IL2RA: variants seen among roughly 807,000 people sequenced by gnomAD.
IL2RA encodes interleukin-2 receptor subunit alpha.
In IL2RA, 24 loss-of-function variants were observed where a neutral mutation model predicts 37.8. The ratio of observed to expected loss-of-function variants is 0.63; its 90% CI spans 0.46 to 0.89. The LOEUF (loss-of-function observed/expected upper bound fraction) is 0.89, where lower values mean the gene tolerates loss of function less well. Ranked by LOEUF, IL2RA falls within the 40% of genes least tolerant of loss-of-function variation. The probability of loss-of-function intolerance (pLI) is 0.00; values close to 1 mark genes in which losing one functional copy is unlikely to be tolerated. For synonymous variants in IL2RA, 125 were observed against 114.6 expected, an observed-to-expected ratio of 1.09 and a Z score of -0.58; for missense variants, 319 against 348.6, an observed-to-expected ratio of 0.92 and a Z score of 0.68.
At chr10:6,049,287 C>T (rs952365476) in intron 1 of IL2RA, among the ~76,000 whole-genome samples, 1 of 152,252 alleles carries the variant, frequency 6.6e-6, no homozygotes, top group Non-Finnish European at 1.5e-5. Flanking sequence ...TGCAACCTTC[C>T]TCTGCCTTCT....
chr10:6,045,705 G>A (rs1355041333), intron 1 of IL2RA, among the ~76,000 whole-genome samples: 3 of 152,128 alleles, frequency 2.0e-5, no homozygotes, highest in African/African-American at 4.8e-5. Flanking sequence ...GTAGAAATAT[G>A]CTAAATTGGT....
Position 6,033,322 on chromosome 10 carries a change from C to CA in IL2RA, c.65-7298dup, listed in dbSNP as rs111395910. On this transcript the variant is annotated intron_variant, in intron 1 of 7. Coordinates refer to ENST00000379959, the MANE Select transcript of IL2RA (RefSeq NM_000417.3). This position sits in a 1 kb window ranked among gnomAD's most constrained non-coding sequence, Gnocchi z 4.3. Reference sequence around the variant, plus strand: ...AAACAAAGAAACAAACAAACAACAACAAAAAAAAAACAAAAAAAGAAAGTA... The same window carrying CA: ...AAACAAAGAAACAAACAAACAACAACAAAAAAAAAAACAAAAAAAGAAAGTA... Among the ~76,000 whole-genome samples, 399 of 146,590 alleles carry CA rather than the reference C, an allele frequency of 2.7e-3. 4 individuals carry two copies. The South Asian group carries it at 0.03, about 11-fold the overall frequency.
rs1237290018 is a variant in IL2RA at position 6,018,824 on chromosome 10, C to T, written c.727+604G>A. Among the ~76,000 whole-genome samples the T allele has an allele frequency of 6.6e-6, 1 of 152,126 alleles. No homozygotes were observed. Among genetic ancestry groups the T allele is most frequent in the African/African-American group, 2.4e-5 (1 of 41,422 alleles). On this transcript the variant is annotated intron_variant, in intron 6 of 7. Transcript: ENST00000379959. The surrounding 1 kb of genome is among the most constrained non-coding windows in gnomAD (Gnocchi z 5.1). ...CATTCTGCAGTGTAAGGAAGGGGTC[C>T]TTTCAGTCAACCAACCAACCTACCA...
In IL2RA at chr10:6,046,386, A is replaced by G. The variant is rs1839859738; in HGVS notation, c.64+15702T>C. 6.6e-6 allele frequency among the ~76,000 whole-genome samples: 1 copy of G among 152,212 alleles called. No individual in the cohort carries two copies. The highest frequency in any genetic ancestry group is 2.4e-5 in the African/African-American group (1 of 41,452). On this transcript the variant is annotated intron_variant, in intron 1 of 7. Transcript: ENST00000379959. The surrounding 1 kb of genome is among the most constrained non-coding windows in gnomAD (Gnocchi z 4.8). ...GGGTTCAGTAGAGACAAACAGCATC[A>G]TAAAAGTGTCAAATCCGTGTGTTCA...
chr10:6,010,999 G>A lies in IL2RA; in HGVS notation c.*1873C>T, dbSNP rs1449103231. ...GAAAACATATACCTGAAGGGGGAGG[G>A]GGAGAGTGCACAGATGAGTCTGTTT... is the stretch of plus-strand genomic sequence containing the variant. On this transcript the variant is annotated 3_prime_UTR_variant, in exon 8 of 8. Transcript: ENST00000379959. 1 of 152,236 alleles carries A rather than the reference G, an allele frequency of 6.6e-6. No individual in the cohort carries two copies. Among genetic ancestry groups the A allele is most frequent in the African/African-American group, 2.4e-5 (1 of 41,414 alleles). The allele number at this position is 152,236 out of a possible 1,614,324, so 9.4% of individuals were successfully genotyped here.
intron 1 of IL2RA, among the ~76,000 whole-genome samples, chr10:6,040,224 C>G (rs1248020105): frequency 6.6e-6 from 1 of 152,166 alleles, no homozygotes; most frequent in East Asian, 1.9e-4. Context: ...TATATAGTTA[C>G]TTTCTAAGCT....
At chr10:6,061,318 G>A (rs1022804455) in intron 1 of IL2RA, among the ~76,000 whole-genome samples, 5 of 151,942 alleles carry the variant, frequency 3.3e-5, no homozygotes, top group East Asian at 3.9e-4. Flanking sequence ...CCTGGGAGGC[G>A]AAGGTTGCAG....
chr10:6,028,340 C>T lies in IL2RA; in HGVS notation c.65-2315G>A, dbSNP rs941265559. 6.6e-6 allele frequency among the ~76,000 whole-genome samples: 1 copy of T among 152,110 alleles called. No homozygotes were observed. Among genetic ancestry groups the T allele is most frequent in the Non-Finnish European group, 1.5e-5 (1 of 68,020 alleles). On this transcript the variant is annotated intron_variant, in intron 1 of 7. Transcript: ENST00000379959. This position sits in a 1 kb window ranked among gnomAD's most constrained non-coding sequence, Gnocchi z 4.1. ...CTCAGTGAAACTTAGCCCTGATTGT[C>T]CATTGTGAGGGCTGAGAGAAGAAGA...
Position 6,025,811 on chromosome 10 carries a change from G to A in IL2RA, c.256+23C>T, listed in dbSNP as rs1264413365. The A allele has an allele frequency of 3.1e-6, 5 of 1,610,674 alleles. No homozygotes were observed. Among genetic ancestry groups the A allele is most frequent in the Non-Finnish European group, 4.2e-6 (5 of 1,177,016 alleles). On this transcript the variant is annotated intron_variant, in intron 2 of 7. Coordinates refer to ENST00000379959, the MANE Select transcript of IL2RA (RefSeq NM_000417.3). The surrounding 1 kb of genome is among the most constrained non-coding windows in gnomAD (Gnocchi z 4.4). ...CTTTGCTGCAGTTCTTTTGTTCTTGGTAGTCACAGAAGGGACACTTACCAG... is the reference window on the plus strand; with the variant it reads ...CTTTGCTGCAGTTCTTTTGTTCTTGATAGTCACAGAAGGGACACTTACCAG...
At chr10:6,017,037 T>A (rs1839290607) in intron 7 of IL2RA, 1 of 159,628 alleles carries the variant, frequency 6.3e-6, no homozygotes, top group Non-Finnish European at 1.4e-5. Flanking sequence ...ATTTCCCTCT[T>A]GTAAACCTCT....
rs950642357 is a variant in IL2RA, at chr10:6,058,617, C to T, written c.64+3471G>A. Among the ~76,000 whole-genome samples, 4 of 152,160 alleles carry T rather than the reference C, an allele frequency of 2.6e-5. No homozygotes were observed. The highest frequency in any genetic ancestry group is 9.7e-5 in the African/African-American group (4 of 41,444). The stretch of plus-strand genomic sequence containing the variant: ...GGGAAATTCCATTGTGGGCAGTTGT[C>T]TTTACAAGAATGGATAATTACACAA... On this transcript the variant is annotated intron_variant, in intron 1 of 7. Coordinates refer to ENST00000379959, the MANE Select transcript of IL2RA (RefSeq NM_000417.3). This position sits in a 1 kb window ranked among gnomAD's most constrained non-coding sequence, Gnocchi z 4.2.
In IL2RA at chr10:6,033,197, C is replaced by T. The variant is rs557261736; in HGVS notation, c.65-7172G>A. ...TTTGAGACCAGCCCGGTCAACATGG[C>T]GAAACCCTTTCTCTACTAAGGAGGC... On this transcript the variant is annotated intron_variant, in intron 1 of 7. Coordinates refer to ENST00000379959, the MANE Select transcript of IL2RA (RefSeq NM_000417.3). The surrounding 1 kb of genome is among the most constrained non-coding windows in gnomAD (Gnocchi z 4.3). 3.3e-5 allele frequency among the ~76,000 whole-genome samples: 5 copies of T among 152,000 alleles called. No individual in the cohort carries two copies. Among genetic ancestry groups the T allele is most frequent in the South Asian group, 2.1e-4 (1 of 4,820 alleles).
Position 6,042,148 on chromosome 10 carries a change from C to CAAAAA in IL2RA, c.65-16128_65-16124dup, listed in dbSNP as rs57093239. Among the ~76,000 whole-genome samples, 149 of 54,114 alleles carry CAAAAA rather than the reference C, an allele frequency of 2.8e-3. 17 individuals are homozygous for CAAAAA. The highest frequency in any genetic ancestry group is 7.2e-3 in the African/African-American group (95 of 13,220). The allele number at this position is 54,114 out of a possible 152,430, so 35.5% of individuals were successfully genotyped here. A position where few individuals can be genotyped will look rare whatever the true frequency, so the allele number is the denominator to read the frequency against. ...CACCTGATGCTAGCAATGTATTAAG[C>CAAAAA]AAAAAAAAAAAAAAAAAAAATTCTG... is the stretch of plus-strand genomic sequence containing the variant. On this transcript the variant is annotated intron_variant, in intron 1 of 7. Coordinates refer to ENST00000379959, the MANE Select transcript of IL2RA (RefSeq NM_000417.3).
chr10:6,023,655 C>T (rs1303143855), intron 3 of IL2RA, among the ~76,000 whole-genome samples: 2 of 152,210 alleles, frequency 1.3e-5, no homozygotes, highest in African/African-American at 4.8e-5. Flanking sequence ...GACACCATAA[C>T]TGAATCCCAA....
intron 1 of IL2RA, among the ~76,000 whole-genome samples, chr10:6,038,094 T>G (rs1839719083): frequency 6.6e-6 from 1 of 152,162 alleles, no homozygotes; most frequent in Non-Finnish European, 1.5e-5. Context: ...CCTCTACATT[T>G]TATAGATAAG....
chr10:6,043,414 A>T (rs187923797), intron 1 of IL2RA, among the ~76,000 whole-genome samples: 1 of 152,082 alleles, frequency 6.6e-6, no homozygotes, highest in Admixed American at 6.5e-5. Context: ...TATCTACAGC[A>T]TGTATTTATT....
intron 1 of IL2RA, among the ~76,000 whole-genome samples, chr10:6,053,569 G>A (rs1369491587): frequency 6.6e-6 from 1 of 152,148 alleles, no homozygotes; most frequent in Non-Finnish European, 1.5e-5. Context: ...CTTACCAAAG[G>A]AAATCAGGGC....
In IL2RA at chr10:6,018,709, G is replaced by A. The variant is rs965165801; in HGVS notation, c.728-590C>T. Reference sequence around the variant, plus strand: ...AGATCAGCTTGAGAGGAGCTGATAGGGCTGACTTGAGACTTTGCTCACAGC... The same window carrying A: ...AGATCAGCTTGAGAGGAGCTGATAGAGCTGACTTGAGACTTTGCTCACAGC... On this transcript the variant is annotated intron_variant, in intron 6 of 7. Coordinates refer to ENST00000379959, the MANE Select transcript of IL2RA (RefSeq NM_000417.3). This position sits in a 1 kb window ranked among gnomAD's most constrained non-coding sequence, Gnocchi z 5.1. 6.6e-5 allele frequency among the ~76,000 whole-genome samples: 10 copies of A among 152,122 alleles called. No homozygotes were observed. Among genetic ancestry groups the A allele is most frequent in the African/African-American group, 2.4e-4 (10 of 41,404 alleles).
At position 6,014,300 on chromosome 10, in the gene IL2RA, T is replaced by C. The variant is rs1445821033; in HGVS notation, c.795-1404A>G. ...CCAAAACTCTCTGGCTGGGCTACAG[T>C]GATCTTTCGGTAATTCAAATGCAGC... On this transcript the variant is annotated intron_variant, in intron 7 of 7. Transcript: ENST00000379959. The surrounding 1 kb of genome is among the most constrained non-coding windows in gnomAD (Gnocchi z 4.4). Among the ~76,000 whole-genome samples, 2 of 151,962 alleles carry C rather than the reference T, an allele frequency of 1.3e-5. No individual in the cohort carries two copies. Among genetic ancestry groups the C allele is most frequent in the East Asian group, 3.9e-4 (2 of 5,164 alleles).
Sources: gnomAD v4.1 joint callset for allele counts (sites outside exome capture counted in the v4.1 genomes callset) on GRCh38, gnomAD v4.1.1 for gene constraint, Gnocchi (gnomAD v3.1) non-coding constraint, MANE v1.5 for transcripts, NCBI Gene and HGNC (gene_info 2026-07-23, HGNC 2026-07-21) for gene names.